WEE2: variants seen among roughly 807,000 people sequenced by gnomAD.
WEE2 encodes the protein WEE2 oocyte meiosis inhibiting kinase, also known as wee1-like protein kinase 2.
In WEE2, 50 loss-of-function variants were observed where a neutral mutation model predicts 60.1. The ratio of observed to expected loss-of-function variants is 0.83; its 90% CI spans 0.66 to 1.05. The LOEUF is 1.05. Ranked by LOEUF, WEE2 falls within the 50% of genes least tolerant of loss-of-function variation. WEE2 has a pLI of 0.00. For synonymous variants in WEE2, 240 were observed against 241.0 expected, an observed-to-expected ratio of 1.00 and a Z score of 0.04; for missense variants, 631 against 684.3, an observed-to-expected ratio of 0.92 and a Z score of 0.87.
rs375327719 is a variant in WEE2 at position 141,723,302 on chromosome 7, C to T, written c.1027+22C>T. On this transcript the variant is annotated intron_variant, in intron 6 of 11. Coordinates refer to ENST00000397541, the MANE Select transcript of WEE2 (RefSeq NM_001105558.1). ...CCTAGTCAGTGTGATTCCCTTCTGC[C>T]ACTTCTACCGTATTTTGTTCTTTCT... The T allele has an allele frequency of 1.2e-4, 192 of 1,609,990 alleles. No homozygotes were observed. The African/African-American group carries it at 2.3e-3, about 19-fold the overall frequency.
chr7:141,719,825 A>T (rs961682653), intron 4 of WEE2, among the ~76,000 whole-genome samples: 1 of 152,132 alleles, frequency 6.6e-6, no homozygotes, highest in Admixed American at 6.5e-5. Context: ...CTGACTTTTT[A>T]AAAAATGAAT....
chr7:141,718,773 G>T (rs10262864), intron 3 of WEE2, among the ~76,000 whole-genome samples: 82,174 of 151,828 alleles, frequency 0.54, 22,907 homozygotes, highest in African/African-American at 0.68. Context: ...GTGAGAAGTT[G>T]TGTCCCCTTA....
chr7:141,730,268 TTTAC>T, intron 11 of WEE2, 23 bp from the exon 12 acceptor site: 1 of 1,611,654 alleles, frequency 6.2e-7, no homozygotes, highest in Non-Finnish European at 8.5e-7. Context: ...CAATAACTTA[TTTAC>T]TTCTCACACT....
At chr7:141,715,509 C>T (rs931422491) in intron 2 of WEE2, among the ~76,000 whole-genome samples, 5 of 152,236 alleles carry the variant, frequency 3.3e-5, no homozygotes, top group African/African-American at 1.2e-4. Flanking sequence ...TTGTGTTTCT[C>T]CAAAAGAAAA....
At chr7:141,724,135 G>A (rs1798969643) in intron 7 of WEE2, 55 bp from the exon 8 acceptor site, 14 of 1,580,192 alleles carry the variant, frequency 8.9e-6, no homozygotes, top group Non-Finnish European at 1.2e-5. Flanking sequence ...AGAAAGACAT[G>A]CTTTTAAAGC....
intron 9 of WEE2, 145 bp from the exon 10 acceptor site, chr7:141,727,149 GGTGGAGCTCA>G: frequency 1.4e-6 from 1 of 723,550 alleles, no homozygotes; most frequent in Non-Finnish European, 2.3e-6. Flanking sequence ...TCCTGCCCCA[GGTGGAGCTCA>G]GTTTTCATTT....
chr7:141,712,790 T>C (rs1486721740), intron 1 of WEE2, among the ~76,000 whole-genome samples: 3 of 152,246 alleles, frequency 2.0e-5, no homozygotes, highest in Non-Finnish European at 1.5e-5. Context: ...CACTGTTTCA[T>C]ATGTAATAGA....
intron 5 of WEE2, among the ~76,000 whole-genome samples, chr7:141,722,442 C>A (rs1361391635): frequency 1.3e-5 from 2 of 152,006 alleles, no homozygotes; most frequent in Non-Finnish European, 2.9e-5. Flanking sequence ...ATTCTAATAC[C>A]TTAGAATCAA....
rs2117130960 is a variant in WEE2 at position 141,730,678 on chromosome 7, A to G, written c.*358A>G. 1 of 183,288 alleles carries G rather than the reference A, an allele frequency of 5.5e-6. No homozygotes were observed. The highest frequency in any genetic ancestry group is 1.4e-4 in the East Asian group (1 of 7,204). The allele number at this position is 183,288 out of a possible 1,614,324, so 11.4% of individuals were successfully genotyped here. A position where few individuals can be genotyped will look rare whatever the true frequency, so the allele number is the denominator to read the frequency against. The stretch of plus-strand genomic sequence containing the variant: ...CTGGTTGTTAACTTGCAGAACAAAA[A>G]TGCTGTGGGGAGAGGCTTCAGGGAA... On this transcript the variant is annotated 3_prime_UTR_variant, in exon 12 of 12. Transcript: ENST00000397541.
chr7:141,723,102 C>T (rs1798947792), intron 5 of WEE2, 32 bp from the exon 6 acceptor site: 1 of 1,612,806 alleles, frequency 6.2e-7, no homozygotes, highest in South Asian at 1.1e-5. Context: ...AAGACTCATA[C>T]TGTGGGGCTG....
At chr7:141,716,578 T>C (rs1176465482) in intron 3 of WEE2, among the ~76,000 whole-genome samples, 1 of 151,882 alleles carries the variant, frequency 6.6e-6, no homozygotes, top group African/African-American at 2.4e-5. Flanking sequence ...TAAATGTGCT[T>C]TGCAGCTGAA....
rs1357200364 is a variant in WEE2 at position 141,709,689 on chromosome 7, C to T, written c.342+589C>T. Among the ~76,000 whole-genome samples, 6 of 152,316 alleles carry T rather than the reference C, an allele frequency of 3.9e-5. No homozygotes were observed. In the East Asian group the frequency reaches 9.6e-4, roughly 24 times the overall value. On this transcript the variant is annotated intron_variant, in intron 1 of 11. Coordinates refer to ENST00000397541, the MANE Select transcript of WEE2 (RefSeq NM_001105558.1). ...CCCCTCCTTGGTCTAATAGAAGAAC[C>T]TCCAGGTTCTTCTAGTATATGTCAG... is the stretch of plus-strand genomic sequence containing the variant.
chr7:141,725,203 G>C lies in WEE2; in HGVS notation c.1392+7G>C. ...CTTTTCCAGTCTGCTCAAGGTGATA[G>C]CTCTTACGAGATGAACAGAAGATGC... is the stretch of plus-strand genomic sequence containing the variant. On this transcript the variant is annotated splice_region_variant and intron_variant, in intron 9 of 11. Transcript: ENST00000397541. 6.2e-7 allele frequency: 1 copy of C among 1,609,644 alleles called. No individual in the cohort carries two copies. The highest frequency in any genetic ancestry group is 8.5e-7 in the Non-Finnish European group (1 of 1,178,462).
At chr7:141,718,902 AATTGGG>A (rs1798853696) in intron 3 of WEE2, among the ~76,000 whole-genome samples, 164 bp from the exon 4 acceptor site, 1 of 152,206 alleles carries the variant, frequency 6.6e-6, no homozygotes, top group Non-Finnish European at 1.5e-5. Context: ...GATAGTCAGC[AATTGGG>A]GAGATTCTTG....
chr7:141,718,443 G>A (rs1798846722), intron 3 of WEE2, among the ~76,000 whole-genome samples: 1 of 152,132 alleles, frequency 6.6e-6, no homozygotes, highest in African/African-American at 2.4e-5. Context: ...ACTGAAAGGA[G>A]TTCAGATTGG....
At position 141,711,399 on chromosome 7, in the gene WEE2, A is replaced by G. The variant is rs985897856; in HGVS notation, c.342+2299A>G. Among the ~76,000 whole-genome samples, 1 of 152,234 alleles carries G rather than the reference A, an allele frequency of 6.6e-6. No individual in the cohort carries two copies. The highest frequency in any genetic ancestry group is 1.5e-5 in the Non-Finnish European group (1 of 68,042). ...AACTGAAATGCAACTGGGAAAGTAC[A>G]TACTTTATGAAAACACAGTTTGCGT... is the stretch of plus-strand genomic sequence containing the variant. On this transcript the variant is annotated intron_variant, in intron 1 of 11. Transcript: ENST00000397541. This position sits in a 1 kb window ranked among gnomAD's most constrained non-coding sequence, Gnocchi z 4.2.
chr7:141,716,273 C>T lies in WEE2; in HGVS notation c.585+6C>T, dbSNP rs780994262. ...AGGGAGGGCTGCCTGCCAAGGTAAG[C>T]GTAGTTCTTTGTCCCAGCGGCCACA... On this transcript the variant is annotated splice_donor_region_variant and intron_variant, in intron 3 of 11. Coordinates refer to ENST00000397541, the MANE Select transcript of WEE2 (RefSeq NM_001105558.1). The T allele has an allele frequency of 1.1e-5, 17 of 1,612,420 alleles. No homozygotes were observed. The highest frequency in any genetic ancestry group is 1.7e-5 in the Admixed American group (1 of 59,942).
intron 9 of WEE2, among the ~76,000 whole-genome samples, chr7:141,725,417 A>G (rs1368953783): frequency 6.6e-6 from 1 of 152,140 alleles, no homozygotes; most frequent in Non-Finnish European, 1.5e-5. Flanking sequence ...ACAAGGTCAG[A>G]AGATGAGACC....
At position 141,720,988 on chromosome 7, in the gene WEE2, A is replaced by G; in HGVS notation, c.812A>G (p.His271Arg). The G allele has an allele frequency of 6.2e-7, 1 of 1,614,174 alleles. No individual in the cohort carries two copies. The highest frequency in any genetic ancestry group is 8.5e-7 in the Non-Finnish European group (1 of 1,180,010). Reference sequence around the variant, plus strand: ...CACGCAGTGCTTGGGCATCACCCCCATGTGGTACGTTACTATTCCTCATGG... The same window carrying G: ...CACGCAGTGCTTGGGCATCACCCCCGTGTGGTACGTTACTATTCCTCATGG... ...YAHAVLGHHP[H>R]VVRYYSSWAE... is the part of the protein sequence containing the mutation. Residue 271 changes from histidine to arginine, a missense_variant, in exon 5 of 12, where the codon CAT (histidine) becomes CGT (arginine). Physicochemically the swap from His to Arg is conservative, Grantham distance 29. Transcript: ENST00000397541.
Sources: gnomAD v4.1 joint callset for allele counts (sites outside exome capture counted in the v4.1 genomes callset) on GRCh38, gnomAD v4.1.1 for gene constraint, Gnocchi (gnomAD v3.1) non-coding constraint, MANE v1.5 for transcripts, NCBI Gene and HGNC (gene_info 2026-07-23, HGNC 2026-07-21) for gene names.